MITF: variants seen among roughly 807,000 people sequenced by gnomAD.
MITF encodes melanocyte inducing transcription factor.
MITF carries 17 observed loss-of-function variants against 60.5 expected under a neutral mutation model. The ratio of observed to expected loss-of-function variants is 0.28; its 90% CI spans 0.19 to 0.42. The LOEUF (loss-of-function observed/expected upper bound fraction) is 0.42, where lower values mean the gene tolerates loss of function less well. MITF is among the 10% of genes least tolerant of loss of function. The probability of loss-of-function intolerance (pLI) is 1.00; values close to 1 mark genes in which losing one functional copy is unlikely to be tolerated. For missense variants in MITF, 622 were observed against 683.5 expected, an observed-to-expected ratio of 0.91 and a Z score of 1.00; for synonymous variants, 260 against 248.5, an observed-to-expected ratio of 1.05 and a Z score of -0.43.
chr3:69,921,103 C>T (rs2065457677), intron 2 of MITF, among the ~76,000 whole-genome samples: 1 of 152,192 alleles, frequency 6.6e-6, no homozygotes, highest in African/African-American at 2.4e-5. Context: ...GACACCTAAC[C>T]TCAGGCAGTC....
At chr3:69,879,996 T>C (rs1575870434) in intron 2 of MITF, among the ~76,000 whole-genome samples, 1 of 152,128 alleles carries the variant, frequency 6.6e-6, no homozygotes, top group Non-Finnish European at 1.5e-5. Flanking sequence ...CTAAGGAAAA[T>C]TGTAACAAGT....
At chr3:69,783,160 C>G (rs1320519273) in intron 1 of MITF, among the ~76,000 whole-genome samples, 1 of 152,056 alleles carries the variant, frequency 6.6e-6, no homozygotes, top group Non-Finnish European at 1.5e-5. Context: ...TGCATGTGAA[C>G]AGACAGGTTC....
Position 69,960,747 on chromosome 3 carries a change from A to T in MITF, c.1179+1327A>T, listed in dbSNP as rs115894606. On this transcript the variant is annotated intron_variant, in intron 9 of 9. Transcript: ENST00000352241. ...TGAGAAGTATGACACCCTAGCGACC[A>T]TTGTGTTTCACCTAGTGGTGCTCCT... 4.3e-3 allele frequency among the ~76,000 whole-genome samples: 662 copies of T among 152,308 alleles called. 4 individuals carry two copies. Among genetic ancestry groups the T allele is most frequent in the South Asian group, 0.018 (89 of 4,824 alleles).
chr3:69,825,058 TGTTATA>T (rs1301174883), intron 1 of MITF, among the ~76,000 whole-genome samples: 1 of 152,224 alleles, frequency 6.6e-6, no homozygotes, highest in Non-Finnish European at 1.5e-5. Flanking sequence ...AGCTAAGTCT[TGTTATA>T]GTTAGTAATT....
At chr3:69,798,870 C>T (rs1004164857) in intron 1 of MITF, among the ~76,000 whole-genome samples, 3 of 152,210 alleles carry the variant, frequency 2.0e-5, no homozygotes, top group Admixed American at 1.3e-4. Flanking sequence ...CCTACTCATC[C>T]CCTTGTTAAT....
chr3:69,844,887 C>T (rs1227871719), intron 1 of MITF, among the ~76,000 whole-genome samples: 1 of 152,090 alleles, frequency 6.6e-6, no homozygotes, highest in Non-Finnish European at 1.5e-5. Flanking sequence ...TAACATTGAA[C>T]TCTCATGTCA....
intron 1 of MITF, among the ~76,000 whole-genome samples, chr3:69,809,870 C>T (rs1198124922): frequency 1.3e-5 from 2 of 152,128 alleles, no homozygotes; most frequent in Admixed American, 1.3e-4. Context: ...CTCAGTTAAA[C>T]AAGAAGCGGA....
chr3:69,961,942 C>T (rs1404342826), intron 9 of MITF, among the ~76,000 whole-genome samples: 2 of 152,164 alleles, frequency 1.3e-5, no homozygotes, highest in African/African-American at 4.8e-5. Flanking sequence ...GTGAGGCAGC[C>T]TTTAGAACTT....
Position 69,800,559 on chromosome 3 carries a change from T to C in MITF, c.104+60858T>C, listed in dbSNP as rs113643734. Among the ~76,000 whole-genome samples, 660 of 152,254 alleles carry C rather than the reference T, an allele frequency of 4.3e-3. 6 individuals carry two copies. Among genetic ancestry groups the C allele is most frequent in the African/African-American group, 0.015 (612 of 41,546 alleles). On this transcript the variant is annotated intron_variant, in intron 1 of 9. Coordinates refer to ENST00000352241, the MANE Select transcript of MITF (RefSeq NM_001354604.2). ...GCTGTTCTTACAGCAGGCAAACCAC[T>C]TTGCATTCCCACCAGCAATGTGTCA...
chr3:69,859,888 TGG>T (rs1387710314), intron 1 of MITF, among the ~76,000 whole-genome samples: 1 of 152,196 alleles, frequency 6.6e-6, no homozygotes, highest in Non-Finnish European at 1.5e-5. Context: ...GGTGCTGATG[TGG>T]AGATTTTATT....
At chr3:69,926,172 G>A (rs1261012006) in intron 2 of MITF, among the ~76,000 whole-genome samples, 1 of 152,168 alleles carries the variant, frequency 6.6e-6, no homozygotes, top group Non-Finnish European at 1.5e-5. Context: ...TTGTTGGTGA[G>A]GTTAATTCCA....
intron 1 of MITF, among the ~76,000 whole-genome samples, chr3:69,869,595 C>T (rs890138328): frequency 6.6e-6 from 1 of 152,126 alleles, no homozygotes; most frequent in Non-Finnish European, 1.5e-5. Context: ...ATTCTCTTCC[C>T]CACCTCTAGT....
intron 1 of MITF, among the ~76,000 whole-genome samples, chr3:69,824,619 G>A (rs2063326624): frequency 6.6e-6 from 1 of 152,192 alleles, no homozygotes; most frequent in African/African-American, 2.4e-5. Flanking sequence ...TCCAGGACCT[G>A]GCTCTTGCAG....
chr3:69,843,129 C>T (rs184976731), intron 1 of MITF, among the ~76,000 whole-genome samples: 5 of 152,044 alleles, frequency 3.3e-5, no homozygotes, highest in African/African-American at 9.7e-5. Context: ...ATGAGTACTC[C>T]GTAAGTACTC....
chr3:69,959,535 C>A lies in MITF; in HGVS notation c.1179+115C>A, dbSNP rs923195424. On this transcript the variant is annotated intron_variant, in intron 9 of 9. Coordinates refer to ENST00000352241, the MANE Select transcript of MITF (RefSeq NM_001354604.2). ...CTTACGTGATCCTAACACAGTCAAT[C>A]CTTATTATTTGTGGATTCTGTGTGT... The A allele has an allele frequency of 9.1e-5, 118 of 1,299,510 alleles. 1 individual carries two copies. The highest frequency in any genetic ancestry group is 1.9e-5 in the Non-Finnish European group (17 of 915,630). The allele number at this position is 1,299,510 out of a possible 1,614,324, so 80.5% of individuals were successfully genotyped here.
intron 6 of MITF, 109 bp from the exon 7 acceptor site, chr3:69,951,703 G>T (rs1192834706): frequency 1.2e-6 from 1 of 825,036 alleles, no homozygotes; most frequent in East Asian, 2.7e-5. Context: ...TTTACTTAGA[G>T]TCAAGTCAAA....
chr3:69,763,912 G>A, intron 1 of MITF: 1 of 1,374,342 alleles, frequency 7.3e-7, no homozygotes. Context: ...AAGGAAACCA[G>A]GAAATTGACT....
intron 1 of MITF, among the ~76,000 whole-genome samples, chr3:69,830,583 T>C (rs956626665): frequency 1.3e-5 from 2 of 152,194 alleles, no homozygotes; most frequent in African/African-American, 4.8e-5. Flanking sequence ...ATCAGGTTTA[T>C]CATTAGAATT....
intron 2 of MITF, among the ~76,000 whole-genome samples, chr3:69,896,259 C>G (rs1559704262): frequency 6.6e-6 from 1 of 152,128 alleles, no homozygotes; most frequent in Non-Finnish European, 1.5e-5. Context: ...AAAGTCTTAG[C>G]CCTAGATAAA....
Sources: gnomAD v4.1 joint callset for allele counts (sites outside exome capture counted in the v4.1 genomes callset) on GRCh38, gnomAD v4.1.1 for gene constraint, MANE v1.5 for transcripts, NCBI Gene and HGNC (gene_info 2026-07-23, HGNC 2026-07-21) for gene names.